Variants in KCNQ1 observed in about 807,000 individuals in gnomAD.
The protein encoded by KCNQ1 is potassium voltage-gated channel subfamily Q member 1, also known as potassium voltage-gated channel subfamily KQT member 1.
In KCNQ1, 49 loss-of-function variants were observed where a neutral mutation model predicts 72.4. The ratio of observed to expected loss-of-function variants is 0.68; its 90% CI spans 0.54 to 0.86. The LOEUF (loss-of-function observed/expected upper bound fraction) is 0.86. KCNQ1 is among the 40% of genes least tolerant of loss of function. The pLI is 0.00. For synonymous variants in KCNQ1, 450 were observed against 412.6 expected, an observed-to-expected ratio of 1.09 and a Z score of -1.10; for missense variants, 790 against 945.1, an observed-to-expected ratio of 0.84 and a Z score of 2.15.
In KCNQ1 at chr11:2,546,673, CTTTAT is replaced by C. The variant is rs543729398; in HGVS notation, c.477+18659_477+18663del. 5.7e-4 allele frequency among the ~76,000 whole-genome samples: 86 copies of C among 151,202 alleles called. No individual in the cohort carries two copies. The Middle Eastern group carries it at 0.014, about 24-fold the overall frequency. ...TGTCATTTAAAAAATTATTTACATT[CTTTAT>C]TTTTCATTTTTGTGGATACACAATA... On this transcript the variant is annotated intron_variant, in intron 2 of 15. Transcript: ENST00000155840.
chr11:2,733,816 T>A (rs775285808), intron 11 of KCNQ1, among the ~76,000 whole-genome samples: 1,354 of 16,502 alleles, frequency 0.082, 9 homozygotes, highest in Middle Eastern at 0.12. Context: ...ACACACACAC[T>A]CTCTCACTCT....
intron 10 of KCNQ1, chr11:2,630,770 T>C (rs1301347314): frequency 7.5e-6 from 3 of 398,370 alleles, no homozygotes; most frequent in Non-Finnish European, 1.3e-5. Flanking sequence ...GCAAGAGTAG[T>C]TGCTGATAAA....
At chr11:2,630,425 TA>T in intron 10 of KCNQ1, 1 of 398,390 alleles carries the variant, frequency 2.5e-6, no homozygotes, top group Non-Finnish European at 4.4e-6. Context: ...GCTAGCCTTG[TA>T]AAATAAGTTG....
chr11:2,733,856 T>TC (rs143023369), intron 11 of KCNQ1, among the ~76,000 whole-genome samples: 2 of 22,248 alleles, frequency 9.0e-5, no homozygotes, highest in Admixed American at 3.2e-4. Context: ...TCTCTCTCTC[T>TC]CCCCCCCCAC....
At position 2,782,571 on chromosome 11, in the gene KCNQ1, G is replaced by A. The variant is rs2133998218; in HGVS notation, c.1794+4534G>A. Among the ~76,000 whole-genome samples, 1 of 152,208 alleles carries A rather than the reference G, an allele frequency of 6.6e-6. No individual in the cohort carries two copies. Among genetic ancestry groups the A allele is most frequent in the Admixed American group, 6.5e-5 (1 of 15,296 alleles). On this transcript the variant is annotated intron_variant, in intron 15 of 15. Coordinates refer to ENST00000155840, the MANE Select transcript of KCNQ1 (RefSeq NM_000218.3). The surrounding 1 kb of genome is among the most constrained non-coding windows in gnomAD (Gnocchi z 6.1). Reference sequence around the variant, plus strand: ...TGGAATTTAAAGGTAAAGACATCTAGGCCTGGTGTTTTCTTTGTGGGAAGA... The same window carrying A: ...TGGAATTTAAAGGTAAAGACATCTAAGCCTGGTGTTTTCTTTGTGGGAAGA...
At chr11:2,539,090 C>A (rs377485517) in intron 2 of KCNQ1, among the ~76,000 whole-genome samples, 22 of 152,172 alleles carry the variant, frequency 1.4e-4, no homozygotes, top group African/African-American at 4.6e-4. Flanking sequence ...GTGGGGCAGC[C>A]GAGGCATGAG....
In KCNQ1 at chr11:2,550,857, G is replaced by A. The variant is rs1847972949; in HGVS notation, c.478-19771G>A. 6.6e-6 allele frequency among the ~76,000 whole-genome samples: 1 copy of A among 152,030 alleles called. No individual in the cohort carries two copies. Among genetic ancestry groups the A allele is most frequent in the African/African-American group, 2.4e-5 (1 of 41,392 alleles). ...CCGGGGGCCCAGATGGCAGGCGAGG[G>A]GTGCCTGGGGAGGCTGCCAAGTGAG... On this transcript the variant is annotated intron_variant, in intron 2 of 15. Transcript: ENST00000155840. This position sits in a 1 kb window ranked among gnomAD's most constrained non-coding sequence, Gnocchi z 6.0.
At position 2,847,939 on chromosome 11, in the gene KCNQ1, G is replaced by T; in HGVS notation, c.1967G>T (p.Ser656Ile). 1 of 1,573,314 alleles carries T rather than the reference G, an allele frequency of 6.4e-7. No individual in the cohort carries two copies. Among genetic ancestry groups the T allele is most frequent in the Non-Finnish European group, 8.6e-7 (1 of 1,158,788 alleles). ...GSVDPELFLP[S>I]NTLPTYEQLT... ...GTCGACCCTGAGCTCTTCCTGCCCA[G>T]CAACACCCTGCCCACCTACGAGCAG... The change falls in exon 16 of 16, where the codon AGC (serine) becomes ATC (isoleucine). Residue 656 changes from serine to isoleucine, a missense_variant. Physicochemically the swap from Ser to Ile is moderately radical, Grantham distance 142 (BLOSUM62 -2). Transcript: ENST00000155840.
At chr11:2,558,273 G>A (rs1335958432) in intron 2 of KCNQ1, among the ~76,000 whole-genome samples, 1 of 152,228 alleles carries the variant, frequency 6.6e-6, no homozygotes, top group Non-Finnish European at 1.5e-5. Context: ...TGCAAATGTT[G>A]TCCCCCACGT....
chr11:2,643,319 C>T (rs986058957), intron 10 of KCNQ1: 2 of 398,134 alleles, frequency 5.0e-6, no homozygotes, highest in Admixed American at 8.8e-5. Context: ...TGATGTTTGC[C>T]TTATATATCT....
At position 2,653,683 on chromosome 11, in the gene KCNQ1, A is replaced by T; in HGVS notation, c.1394-8278A>T. Reference sequence around the variant, plus strand: ...GCCACCAGCTTGCATTCAACAGCTCAGGAAGCCCAGCAGAACGAGGTCATC... The same window carrying T: ...GCCACCAGCTTGCATTCAACAGCTCTGGAAGCCCAGCAGAACGAGGTCATC... On this transcript the variant is annotated intron_variant, in intron 10 of 15. Coordinates refer to ENST00000155840, the MANE Select transcript of KCNQ1 (RefSeq NM_000218.3). The surrounding 1 kb of genome is among the most constrained non-coding windows in gnomAD (Gnocchi z 5.3). 2.5e-6 allele frequency: 1 copy of T among 398,736 alleles called. No homozygotes were observed. Among genetic ancestry groups the T allele is most frequent in the Non-Finnish European group, 4.4e-6 (1 of 226,126 alleles). The allele number at this position is 398,736 out of a possible 1,614,324, so 24.7% of individuals were successfully genotyped here.
intron 2 of KCNQ1, among the ~76,000 whole-genome samples, chr11:2,532,477 TCACTCA>T (rs1254462685): frequency 1.3e-5 from 2 of 152,190 alleles, no homozygotes; most frequent in Non-Finnish European, 2.9e-5. Flanking sequence ...GGTCCAGCTG[TCACTCA>T]GTCATGGCCA....
chr11:2,448,014 A>G (rs558168832), intron 1 of KCNQ1, among the ~76,000 whole-genome samples: 11 of 152,290 alleles, frequency 7.2e-5, no homozygotes, highest in Admixed American at 2.0e-4. Context: ...TTGCCCGCTT[A>G]GGCTTCCTGC....
At chr11:2,548,948 A>AG (rs1211550069) in intron 2 of KCNQ1, among the ~76,000 whole-genome samples, 1 of 152,180 alleles carries the variant, frequency 6.6e-6, no homozygotes, top group Non-Finnish European at 1.5e-5. Context: ...CCACTGCCCC[A>AG]GCCCTCCTGA....
rs1847851822 is a variant in KCNQ1 at position 2,826,891 on chromosome 11, C to T, written c.1795-20876C>T. On this transcript the variant is annotated intron_variant, in intron 15 of 15. Coordinates refer to ENST00000155840, the MANE Select transcript of KCNQ1 (RefSeq NM_000218.3). The surrounding 1 kb of genome is among the most constrained non-coding windows in gnomAD (Gnocchi z 4.2). ...TGTGGGGTGTCTGGTCCTGGAGTGACAAGGACAGGGAGGAAGAAAGCCAGG... is the reference window on the plus strand; with the variant it reads ...TGTGGGGTGTCTGGTCCTGGAGTGATAAGGACAGGGAGGAAGAAAGCCAGG... Among the ~76,000 whole-genome samples the T allele has an allele frequency of 6.6e-6, 1 of 152,192 alleles. No individual in the cohort carries two copies. The highest frequency in any genetic ancestry group is 6.5e-5 in the Admixed American group (1 of 15,288).
Position 2,468,554 on chromosome 11 carries a change from T to C in KCNQ1, c.386+23070T>C, listed in dbSNP as rs1170224946. On this transcript the variant is annotated intron_variant, in intron 1 of 15. Coordinates refer to ENST00000155840, the MANE Select transcript of KCNQ1 (RefSeq NM_000218.3). The surrounding 1 kb of genome is among the most constrained non-coding windows in gnomAD (Gnocchi z 5.7). Reference sequence around the variant, plus strand: ...CCCTGTGAAGCCAGCATCAGCAGAGTGGGCACACCCATCACCCTCACAGCG... The same window carrying C: ...CCCTGTGAAGCCAGCATCAGCAGAGCGGGCACACCCATCACCCTCACAGCG... 1.3e-5 allele frequency among the ~76,000 whole-genome samples: 2 copies of C among 152,022 alleles called. No individual in the cohort carries two copies. The highest frequency in any genetic ancestry group is 2.9e-5 in the Non-Finnish European group (2 of 67,956).
chr11:2,542,022 C>T (rs1847835475), intron 2 of KCNQ1, among the ~76,000 whole-genome samples: 1 of 152,208 alleles, frequency 6.6e-6, no homozygotes, highest in Non-Finnish European at 1.5e-5. Context: ...TGCTGTGGCT[C>T]TCCATGGCCC....
chr11:2,844,867 G>C (rs905157782), intron 15 of KCNQ1, among the ~76,000 whole-genome samples: 1 of 152,186 alleles, frequency 6.6e-6, no homozygotes, highest in East Asian at 1.9e-4. Flanking sequence ...ACCCAAGCTG[G>C]GGCCTGCACA....
intron 11 of KCNQ1, chr11:2,699,825 G>A (rs1412517059): frequency 7.6e-6 from 3 of 396,028 alleles, no homozygotes; most frequent in Admixed American, 8.9e-5. Context: ...GATGACTGAC[G>A]CACCGAGGAG....
Sources: gnomAD v4.1 joint callset for allele counts (sites outside exome capture counted in the v4.1 genomes callset) on GRCh38, gnomAD v4.1.1 for gene constraint, Gnocchi (gnomAD v3.1) non-coding constraint, MANE v1.5 for transcripts, NCBI Gene and HGNC (gene_info 2026-07-23, HGNC 2026-07-21) for gene names.